The following PDXDC1 variants were observed in gnomAD, a reference collection of about 807,000 sequenced individuals.
The protein encoded by PDXDC1 is pyridoxal-dependent decarboxylase domain-containing protein 1.
Under a neutral mutation model 100.1 loss-of-function variants are expected in PDXDC1, and 42 were observed. That is an observed-to-expected ratio of 0.42 (90% CI 0.33 to 0.54). The LOEUF is 0.54. PDXDC1 is among the 20% of genes least tolerant of loss of function. The pLI is 0.10. For synonymous variants in PDXDC1, 260 were observed against 371.7 expected (o/e 0.70, Z 3.46); for missense variants, 636 against 979.2 (o/e 0.65, Z 4.68).
chr16:15,104,909 T>C (rs1234401248), intron 16 of PDXDC1, among the ~76,000 whole-genome samples: 1 of 152,170 alleles, frequency 6.6e-6, no homozygotes, highest in Non-Finnish European at 1.5e-5. Flanking sequence ...CAGTGTCATA[T>C]CACCCTTCCA....
chr16:15,089,105 G>C lies in PDXDC1; in HGVS notation c.1400-49774G>C, dbSNP rs1296496622. Among the ~76,000 whole-genome samples the C allele has an allele frequency of 5.3e-5, 8 of 151,800 alleles. No homozygotes were observed. In the South Asian group the frequency reaches 8.3e-4, roughly 16 times the overall value. ...ATCACTTGAGGTCAGGAGTTCGAGA[G>C]CAGCCTGGCCAGCATGGTGAAACCC... On this transcript the variant is annotated intron_variant, in intron 16 of 16. Transcript: ENST00000535621.
chr16:15,135,049 C>T (rs2048283992), intron 16 of PDXDC1: 1 of 540,910 alleles, frequency 1.8e-6, no homozygotes, highest in Non-Finnish European at 3.4e-6. Context: ...TGCTGGGGGA[C>T]TGTGTAGCTT....
intron 16 of PDXDC1, among the ~76,000 whole-genome samples, chr16:15,129,510 T>C (rs951583210): frequency 6.6e-6 from 1 of 152,174 alleles, no homozygotes; most frequent in South Asian, 2.1e-4. Flanking sequence ...ATAGAGGTAT[T>C]GAAGAAACAG....
intron 16 of PDXDC1, among the ~76,000 whole-genome samples, chr16:15,044,048 G>T (rs983957724): frequency 1.8e-4 from 27 of 152,156 alleles, no homozygotes; most frequent in African/African-American, 6.5e-4. Context: ...TGCCAGGAGG[G>T]AGGGTGGCTC....
Position 15,036,160 on chromosome 16 carries a change from G to GA in PDXDC1, c.2253dup (p.His752ThrfsTer26). 6.2e-7 allele frequency: 1 copy of GA among 1,614,168 alleles called. No homozygotes were observed. The highest frequency in any genetic ancestry group is 8.5e-7 in the Non-Finnish European group (1 of 1,180,044). On this transcript the variant is annotated frameshift_variant, in exon 23 of 23. Transcript: ENST00000396410. LOFTEE classifies it low-confidence loss of function (END_TRUNC). The stretch of plus-strand genomic sequence containing the variant: ...ACCCTCGAGGCCAGCAGCACTGAGG[G>GA]ACACCCAGGGGCTCCCAGCCCTCAG...
chr16:15,055,694 C>G, intron 16 of PDXDC1: 1 of 373,284 alleles, frequency 2.7e-6, no homozygotes, highest in Non-Finnish European at 4.8e-6. Flanking sequence ...AGAGAGTGGC[C>G]TCCGGGGCAG....
intron 8 of PDXDC1, 166 bp from the exon 9 acceptor site, chr16:15,015,963 A>T: frequency 1.5e-6 from 2 of 1,350,554 alleles, no homozygotes; most frequent in South Asian, 3.1e-5. Context: ...GTAATAAGTC[A>T]ACTCACAAAC....
At chr16:14,992,959 C>T (rs1422275343) in intron 1 of PDXDC1, among the ~76,000 whole-genome samples, 2 of 152,162 alleles carry the variant, frequency 1.3e-5, no homozygotes, top group African/African-American at 2.4e-5. Context: ...TCAAGCGATC[C>T]TCCTACCTCT....
chr16:14,996,976 G>A (rs556011836), intron 1 of PDXDC1, among the ~76,000 whole-genome samples: 77 of 152,348 alleles, frequency 5.1e-4, no homozygotes, highest in African/African-American at 1.8e-3. Flanking sequence ...CAGTTGCCTT[G>A]GAGTGTAGGT....
At position 15,036,535 on chromosome 16, in the gene PDXDC1, A is replaced by C; in HGVS notation, c.*260A>C. On this transcript the variant is annotated 3_prime_UTR_variant, in exon 23 of 23. Coordinates refer to ENST00000396410, the MANE Select transcript of PDXDC1 (RefSeq NM_015027.4). ...ACCATAAACACATTTTATTCACAAA[A>C]AACACTTCGAATTTCAAGTGTCTAC... is the stretch of plus-strand genomic sequence containing the variant. 1 of 503,016 alleles carries C rather than the reference A, an allele frequency of 2.0e-6. No individual in the cohort carries two copies. Among genetic ancestry groups the C allele is most frequent in the Non-Finnish European group, 3.5e-6 (1 of 285,342 alleles). The allele number at this position is 503,016 out of a possible 1,614,324, so 31.2% of individuals were successfully genotyped here.
intron 16 of PDXDC1, chr16:15,133,248 G>C (rs71374771): frequency 3.6e-4 from 537 of 1,502,230 alleles, no homozygotes; most frequent in African/African-American, 1.0e-3. Context: ...GAGGTCCCCT[G>C]CCAGGCTGCA....
the PDXDC1 span, among the ~76,000 whole-genome samples, chr16:15,149,123 G>A: frequency 9.2e-4 from 140 of 152,206 alleles, no homozygotes; most frequent in Middle Eastern, 3.4e-3. Flanking sequence ...TAGAAGACAC[G>A]GGCCTCTCCT....
intron 16 of PDXDC1, among the ~76,000 whole-genome samples, chr16:15,098,442 C>G (rs536882058): frequency 2.6e-5 from 4 of 151,954 alleles, no homozygotes; most frequent in African/African-American, 9.7e-5. Flanking sequence ...CTCAGGTGAT[C>G]TGCCTACCTT....
chr16:15,123,097 A>T (rs2047519133), intron 16 of PDXDC1, among the ~76,000 whole-genome samples: 2 of 150,298 alleles, frequency 1.3e-5, no homozygotes, highest in African/African-American at 4.9e-5. Context: ...GCTTTCCACC[A>T]AACCTTCTTC....
chr16:15,143,521 A>G, downstream of PDXDC1, among the ~76,000 whole-genome samples: 1 of 152,150 alleles, frequency 6.6e-6, no homozygotes. Context: ...TCGGCCCCTC[A>G]GGGGTGTTCC....
rs374816537 is a variant in PDXDC1, at chr16:15,032,933, C to A, written c.1644C>A (p.Leu548=). 1.2e-5 allele frequency: 20 copies of A among 1,611,498 alleles called. No individual in the cohort carries two copies. The African/African-American group carries it at 2.4e-4, about 19-fold the overall frequency. Residue 548 remains leucine, a synonymous_variant, in exon 18 of 23, where the codon CTC becomes CTA. Coordinates refer to ENST00000396410, the MANE Select transcript of PDXDC1 (RefSeq NM_015027.4). ...AAGGGGAAAACATCCATGCTGGACT[C>A]CTGAAGAAGTTAAATGAACTGGAAT... ...DPEGENIHAG[L]LKKLNELESD...
Position 15,036,454 on chromosome 16 carries a change from A to C in PDXDC1, c.*179A>C. On this transcript the variant is annotated 3_prime_UTR_variant, in exon 23 of 23. Transcript: ENST00000396410. ...TCTAGGAGGGGAGTCAGCTTGTCTA[A>C]CTTCATGTACATGTAGAACCACGTT... 1 of 575,126 alleles carries C rather than the reference A, an allele frequency of 1.7e-6. No individual in the cohort carries two copies. Among genetic ancestry groups the C allele is most frequent in the Admixed American group, 3.8e-5 (1 of 26,568 alleles). 35.6% of individuals were successfully genotyped at this position (575,126 alleles called of 1,614,324 possible). A position where few individuals can be genotyped will look rare whatever the true frequency, so the allele number is the denominator to read the frequency against.
intron 16 of PDXDC1, among the ~76,000 whole-genome samples, chr16:15,088,751 G>T (rs935116202): frequency 2.0e-5 from 3 of 152,138 alleles, no homozygotes; most frequent in African/African-American, 7.2e-5. Flanking sequence ...AGTATGGCAG[G>T]CATGTATAGT....
intron 16 of PDXDC1, among the ~76,000 whole-genome samples, chr16:15,070,887 T>C (rs914625174): frequency 7.2e-5 from 11 of 152,174 alleles, no homozygotes; most frequent in Non-Finnish European, 1.3e-4. Flanking sequence ...AATGGATCTT[T>C]AAGTGCAACC....
Sources: gnomAD v4.1 joint callset for allele counts (sites outside exome capture counted in the v4.1 genomes callset) on GRCh38, gnomAD v4.1.1 for gene constraint, MANE v1.5 for transcripts, NCBI Gene and HGNC (gene_info 2026-07-23, HGNC 2026-07-21) for gene names.